Variants in INSL6 observed in about 807,000 individuals in gnomAD.
INSL6 encodes the protein insulin-like peptide INSL6.
Under a neutral mutation model 9.4 loss-of-function variants are expected in INSL6, and 16 were observed. The ratio of observed to expected loss-of-function variants is 1.70; its 90% CI spans 1.15 to 2.59. The LOEUF (loss-of-function observed/expected upper bound fraction) is 2.59. INSL6 is among the 30% of genes most tolerant of loss of function. INSL6 has a pLI of 0.00. For missense variants in INSL6, 391 were observed against 257.3 expected, an observed-to-expected ratio of 1.52 and a Z score of -3.56; for synonymous variants, 154 against 96.9, an observed-to-expected ratio of 1.59 and a Z score of -3.46.
chr9:5,068,698 A>G, the INSL6 span, among the ~76,000 whole-genome samples: 1 of 152,214 alleles, frequency 6.6e-6, no homozygotes, highest in Admixed American at 6.5e-5. Flanking sequence ...CAGCTCATGG[A>G]AGGCTCTATA....
chr9:5,153,889 C>T (rs963606470), intron 2 of INSL6, among the ~76,000 whole-genome samples: 1 of 152,166 alleles, frequency 6.6e-6, no homozygotes, highest in Non-Finnish European at 1.5e-5. Context: ...TCAAAATGGC[C>T]ATACTGCCCA....
chr9:5,114,971 G>C, the INSL6 span, among the ~76,000 whole-genome samples: 6 of 152,032 alleles, frequency 3.9e-5, no homozygotes, highest in Admixed American at 2.0e-4. Context: ...AAACCCTAGA[G>C]GAAAACCTAG....
At chr9:5,022,098 A>G in the INSL6 span, 2 of 1,613,562 alleles carry the variant, frequency 1.2e-6, no homozygotes, top group Non-Finnish European at 1.7e-6. Context: ...AAATAGATCC[A>G]GTTCTTCAGG....
chr9:5,033,849 C>G, the INSL6 span, among the ~76,000 whole-genome samples: 2 of 152,146 alleles, frequency 1.3e-5, no homozygotes, highest in Non-Finnish European at 2.9e-5. Flanking sequence ...GCAAAATAAC[C>G]AGGTAACGTC....
the INSL6 span, among the ~76,000 whole-genome samples, chr9:5,008,945 C>T: frequency 6.6e-6 from 1 of 151,974 alleles, no homozygotes; most frequent in Non-Finnish European, 1.5e-5. Context: ...GAGTCTAGGA[C>T]CTGGGAGTTT....
At chr9:5,067,343 T>G in the INSL6 span, among the ~76,000 whole-genome samples, 1 of 152,180 alleles carries the variant, frequency 6.6e-6, no homozygotes, top group Non-Finnish European at 1.5e-5. Flanking sequence ...ACAGATCATT[T>G]TGGATCTCAT....
At chr9:5,095,361 TA>T in the INSL6 span, among the ~76,000 whole-genome samples, 1 of 151,946 alleles carries the variant, frequency 6.6e-6, no homozygotes, top group African/African-American at 2.4e-5. Context: ...CCATCTTGAT[TA>T]AAAAAACAAA....
At chr9:5,075,747 A>G in the INSL6 span, among the ~76,000 whole-genome samples, 88 of 152,318 alleles carry the variant, frequency 5.8e-4, 4 homozygotes, top group East Asian at 9.1e-3. Flanking sequence ...TAGCCCATGG[A>G]TCAAGGAGTT....
chr9:5,152,742 A>G (rs1031863897), intron 2 of INSL6, among the ~76,000 whole-genome samples: 1 of 152,218 alleles, frequency 6.6e-6, no homozygotes, highest in African/African-American at 2.4e-5. Flanking sequence ...ATCTGAAAAG[A>G]CCAAGAGTTG....
the INSL6 span, among the ~76,000 whole-genome samples, chr9:5,040,287 A>T: frequency 6.8e-6 from 1 of 147,724 alleles, no homozygotes; most frequent in East Asian, 1.9e-4. Context: ...ACTTCACACT[A>T]TATACAAAAA....
the INSL6 span, among the ~76,000 whole-genome samples, chr9:5,104,464 C>T: frequency 1.3e-4 from 20 of 152,280 alleles, no homozygotes; most frequent in African/African-American, 4.3e-4. Context: ...GACTCACAGC[C>T]GAATTCTCCT....
chr9:5,064,112 C>T, the INSL6 span, among the ~76,000 whole-genome samples: 3 of 152,054 alleles, frequency 2.0e-5, no homozygotes, highest in Non-Finnish European at 2.9e-5. Flanking sequence ...GCCAAGATCG[C>T]GCCATTGCAC....
chr9:5,112,164 A>AC, the INSL6 span: 1 of 276,762 alleles, frequency 3.6e-6, no homozygotes, highest in African/African-American at 2.3e-5. Context: ...ACACGCTGCT[A>AC]CCCGGCCACC....
chr9:5,041,327 A>G, the INSL6 span: 5 of 730,806 alleles, frequency 6.8e-6, no homozygotes, highest in South Asian at 4.9e-5. Context: ...CAGCCAGCAC[A>G]AGAGCTTGAC....
At chr9:5,151,244 T>C (rs919430235) in intron 2 of INSL6, among the ~76,000 whole-genome samples, 4 of 151,950 alleles carry the variant, frequency 2.6e-5, no homozygotes, top group South Asian at 2.1e-4. Context: ...AACAATTACA[T>C]AGATTCAACA....
At chr9:5,170,335 T>C (rs554313532) in intron 1 of INSL6, among the ~76,000 whole-genome samples, 2 of 152,306 alleles carry the variant, frequency 1.3e-5, no homozygotes, top group African/African-American at 4.8e-5. Context: ...TCAGAATCTC[T>C]GGGACATAGC....
At chr9:5,149,719 G>T (rs1030313727) in intron 2 of INSL6, among the ~76,000 whole-genome samples, 1 of 151,042 alleles carries the variant, frequency 6.6e-6, no homozygotes, top group Non-Finnish European at 1.5e-5. Flanking sequence ...TTTTTTCACA[G>T]AATTAGAAAA....
At chr9:5,055,669 G>T in the INSL6 span, 1 of 1,562,060 alleles carries the variant, frequency 6.4e-7, no homozygotes, top group Non-Finnish European at 8.8e-7. Context: ...TTAATTATAG[G>T]ATTTACAGTT....
chr9:5,141,681 T>C (rs1469982212), intron 2 of INSL6, among the ~76,000 whole-genome samples: 1 of 152,236 alleles, frequency 6.6e-6, no homozygotes, highest in East Asian at 1.9e-4. Flanking sequence ...GTGTTCACTG[T>C]GATGATAGTT....
Sources: allele counts gnomAD v4.1 joint callset (sites outside exome capture counted in the v4.1 genomes callset), GRCh38; gene constraint gnomAD v4.1.1; transcripts MANE v1.5; gene names NCBI Gene and HGNC (gene_info 2026-07-23, HGNC 2026-07-21).